MANBA: variants seen among roughly 807,000 people sequenced by gnomAD.
MANBA encodes the protein beta-mannosidase.
MANBA carries 83 observed loss-of-function variants against 111.1 expected under a neutral mutation model. That is an observed-to-expected ratio of 0.75 (90% CI 0.63 to 0.90). MANBA has a LOEUF of 0.90. Among genes scored for constraint, MANBA ranks in the 40% least tolerant of loss-of-function variants. The pLI, the probability that MANBA is intolerant of heterozygous loss-of-function variation, is 0.00. For missense variants in MANBA, 1,036 were observed against 1,069.0 expected (o/e 0.97, Z 0.43); for synonymous variants, 370 against 378.7 (o/e 0.98, Z 0.27).
intron 1 of MANBA, 91 bp from the exon 2 acceptor site, chr4:102,726,774 T>C: frequency 1.3e-6 from 1 of 743,218 alleles, no homozygotes. Flanking sequence ...TAACAACAGC[T>C]ATTTATCACC....
rs1180004064 is a variant in MANBA at position 102,729,665 on chromosome 4, G to A, written c.178-2982C>T. ...TGTTCTTGAAGTCCTCCACCAGCCC[G>A]GGCATGTTGCCAAGCTCCGCCTCCA... On this transcript the variant is annotated intron_variant, in intron 1 of 16. Transcript: ENST00000647097. 18 of 1,500,806 alleles carry A rather than the reference G, an allele frequency of 1.2e-5. No homozygotes were observed. In the East Asian group the frequency reaches 2.0e-4, roughly 17 times the overall value. 93.0% of individuals were successfully genotyped at this position (1,500,806 alleles called of 1,614,324 possible).
At chr4:102,633,435 G>C (rs1431545348) in intron 16 of MANBA, 2 of 398,518 alleles carry the variant, frequency 5.0e-6, no homozygotes, top group Non-Finnish European at 8.8e-6. Flanking sequence ...TCTCCTCTCT[G>C]TATGTCTGAC....
chr4:102,707,942 T>C (rs1036062511), intron 5 of MANBA, among the ~76,000 whole-genome samples: 1 of 152,116 alleles, frequency 6.6e-6, no homozygotes, highest in Non-Finnish European at 1.5e-5. Context: ...GATAAAATGA[T>C]CAAATCCACA....
intron 1 of MANBA, chr4:102,728,801 ATCT>A: frequency 1.1e-6 from 1 of 925,090 alleles, no homozygotes; most frequent in Non-Finnish European, 1.7e-6. Context: ...ATGGGTCTCG[ATCT>A]TCTTCACAAC....
chr4:102,749,715 G>T (rs1005492916), intron 1 of MANBA, among the ~76,000 whole-genome samples: 2 of 152,214 alleles, frequency 1.3e-5, no homozygotes, highest in Non-Finnish European at 1.5e-5. Flanking sequence ...CCAGAGGGTT[G>T]TTGCTGAAAT....
rs780653937 is a variant in MANBA at position 102,690,677 on chromosome 4, A to C, written c.768T>G (p.Pro256=). The C allele has an allele frequency of 6.2e-7, 1 of 1,611,636 alleles. No homozygotes were observed. Among genetic ancestry groups the C allele is most frequent in the African/African-American group, 1.3e-5 (1 of 74,844 alleles). Residue 256 remains proline, a synonymous_variant, in exon 6 of 17, where the codon CCT becomes CCG. Transcript: ENST00000647097. ...PVGGQVIVAI[P]KLQTQQTYSI... ...TGTATGTCTGTTGTGTTTGCAACTT[A>C]GGGATGGCTACGATCACTTGACCAC...
chr4:102,664,978 T>C (rs950998538), intron 10 of MANBA, 126 bp from the exon 11 acceptor site: 209 of 698,488 alleles, frequency 3.0e-4, no homozygotes, highest in Middle Eastern at 2.8e-3. Flanking sequence ...AAAAACCTAA[T>C]TTGAAAATGG....
chr4:102,716,293 G>C (rs573353412), intron 4 of MANBA, among the ~76,000 whole-genome samples: 199 of 84,368 alleles, frequency 2.4e-3, no homozygotes, highest in South Asian at 9.0e-3. Flanking sequence ...TGGGCAACAA[G>C]AGTGAAACTC....
rs1384349030 is a variant in MANBA at position 102,760,889 on chromosome 4, G to C, written c.6C>G (p.Arg2=). The C allele has an allele frequency of 6.4e-7, 1 of 1,563,472 alleles. No individual in the cohort carries two copies. The highest frequency in any genetic ancestry group is 1.2e-5 in the South Asian group (1 of 85,454). Reference sequence around the variant, plus strand: ...GCGCGAGCAGCAGGAGCAGGTGGAGGCGCATCTTGAGATCCCGCGCCACCG... The same window carrying C: ...GCGCGAGCAGCAGGAGCAGGTGGAGCCGCATCTTGAGATCCCGCGCCACCG... M[R]LHLLLLLALC... is the part of the protein sequence containing the mutation. The change falls in exon 1 of 17, where the codon CGC becomes CGG. Residue 2 remains arginine, a synonymous_variant. Transcript: ENST00000647097.
intron 2 of MANBA, among the ~76,000 whole-genome samples, chr4:102,725,521 G>C (rs1578941427): frequency 6.6e-6 from 1 of 152,176 alleles, no homozygotes; most frequent in African/African-American, 2.4e-5. Flanking sequence ...TCTTTCAGCT[G>C]TATTTTCACA....
At position 102,639,948 on chromosome 4, in the gene MANBA, G is replaced by GT. The variant is rs759336627; in HGVS notation, c.1870-92dup. 2.2e-4 allele frequency: 328 copies of GT among 1,459,812 alleles called. 1 individual carries two copies. Among genetic ancestry groups the GT allele is most frequent in the Non-Finnish European group, 4.7e-5 (49 of 1,044,286 alleles). The allele number at this position is 1,459,812 out of a possible 1,614,324, so 90.4% of individuals were successfully genotyped here. On this transcript the variant is annotated intron_variant, in intron 13 of 16. Coordinates refer to ENST00000647097, the MANE Select transcript of MANBA (RefSeq NM_005908.4). Reference sequence around the variant, plus strand: ...AATACAGGGTTTAGTTTTGTTTTGGGTTTTTTCTTTTTGGAGCAATTTGGA... The same window carrying GT: ...AATACAGGGTTTAGTTTTGTTTTGGGTTTTTTTCTTTTTGGAGCAATTTGGA...
intron 5 of MANBA, among the ~76,000 whole-genome samples, chr4:102,710,429 T>C (rs1722007927): frequency 6.6e-6 from 1 of 151,870 alleles, no homozygotes; most frequent in African/African-American, 2.4e-5. Flanking sequence ...AAAAATAAAA[T>C]ACCTAGGAAT....
intron 1 of MANBA, among the ~76,000 whole-genome samples, chr4:102,733,041 T>C (rs1010405579): frequency 2.0e-5 from 3 of 152,200 alleles, no homozygotes; most frequent in African/African-American, 7.2e-5. Flanking sequence ...TTCCCAGATA[T>C]ATTTTTTCGA....
intron 1 of MANBA, among the ~76,000 whole-genome samples, chr4:102,755,270 G>C (rs1430473086): frequency 6.6e-6 from 1 of 152,138 alleles, no homozygotes; most frequent in African/African-American, 2.4e-5. Flanking sequence ...TACCAAAATA[G>C]AGATATAGAC....
chr4:102,702,696 T>A (rs1733115834), intron 5 of MANBA, among the ~76,000 whole-genome samples: 1 of 152,174 alleles, frequency 6.6e-6, no homozygotes, highest in Non-Finnish European at 1.5e-5. Flanking sequence ...TACATATATA[T>A]AAGTAAATGA....
intron 16 of MANBA, among the ~76,000 whole-genome samples, chr4:102,634,437 G>C (rs914120534): frequency 2.0e-5 from 3 of 152,112 alleles, no homozygotes; most frequent in Non-Finnish European, 4.4e-5. Context: ...GAGCTGTGGT[G>C]AAAGTCAGAG....
At chr4:102,730,270 T>G in intron 1 of MANBA, 1 of 557,926 alleles carries the variant, frequency 1.8e-6, no homozygotes, top group Non-Finnish European at 3.2e-6. Flanking sequence ...CTTTACCACA[T>G]ATCGTCTCAT....
At chr4:102,728,786 C>T (rs1722910449) in intron 1 of MANBA, 1 of 953,484 alleles carries the variant, frequency 1.0e-6, no homozygotes, top group African/African-American at 1.6e-5. Flanking sequence ...CACCAGCCTC[C>T]CATCATGGGT....
At chr4:102,734,212 T>C (rs1255638717) in intron 1 of MANBA, 4 of 660,398 alleles carry the variant, frequency 6.1e-6, no homozygotes, top group African/African-American at 5.5e-5. Context: ...AGGTAGGAGG[T>C]TATGTGAGAA....
Sources: gnomAD v4.1 joint callset for allele counts (sites outside exome capture counted in the v4.1 genomes callset) on GRCh38, gnomAD v4.1.1 for gene constraint, MANE v1.5 for transcripts, NCBI Gene and HGNC (gene_info 2026-07-23, HGNC 2026-07-21) for gene names.